HUNK: variants seen among roughly 807,000 people sequenced by gnomAD.
HUNK encodes the protein hormonally up-regulated Neu-associated kinase.
In HUNK, 21 loss-of-function variants were observed where a neutral mutation model predicts 61.0. The ratio of observed to expected loss-of-function variants is 0.34; its 90% CI spans 0.24 to 0.50. The LOEUF is 0.50. HUNK is among the 20% of genes least tolerant of loss of function. The pLI is 0.98. For missense variants in HUNK, 772 were observed against 945.7 expected (o/e 0.82, Z 2.41); for synonymous variants, 371 against 386.1 (o/e 0.96, Z 0.46).
At chr21:31,902,074 G>A (rs2052471930) in intron 1 of HUNK, among the ~76,000 whole-genome samples, 1 of 152,156 alleles carries the variant, frequency 6.6e-6, no homozygotes, top group Admixed American at 6.5e-5. Flanking sequence ...ACTGGGACTA[G>A]TTTCATTGAA....
intron 4 of HUNK, among the ~76,000 whole-genome samples, chr21:31,949,098 G>A (rs923902539): frequency 6.6e-6 from 1 of 152,230 alleles, no homozygotes; most frequent in Non-Finnish European, 1.5e-5. Context: ...CTGCCTAGAG[G>A]CACACACGAG....
intron 1 of HUNK, among the ~76,000 whole-genome samples, chr21:31,904,870 T>A (rs1230329925): frequency 6.6e-6 from 1 of 152,082 alleles, no homozygotes; most frequent in Non-Finnish European, 1.5e-5. Flanking sequence ...GGTGAACGGA[T>A]CACCTGAGGT....
intron 1 of HUNK, among the ~76,000 whole-genome samples, chr21:31,891,948 C>A (rs1219647074): frequency 6.6e-6 from 1 of 151,964 alleles, no homozygotes; most frequent in Admixed American, 6.6e-5. Flanking sequence ...ATATTCTAAT[C>A]CGTTACATAA....
At chr21:31,909,406 G>T (rs1007574941) in intron 1 of HUNK, among the ~76,000 whole-genome samples, 1 of 152,136 alleles carries the variant, frequency 6.6e-6, no homozygotes, top group Non-Finnish European at 1.5e-5. Context: ...CCCCTGGGTG[G>T]GCGTGGGAGG....
intron 6 of HUNK, among the ~76,000 whole-genome samples, chr21:31,973,868 C>T (rs866227041): frequency 4.6e-5 from 7 of 152,226 alleles, no homozygotes; most frequent in Non-Finnish European, 5.9e-5. Context: ...GAATGAAGCC[C>T]GGTATTTCTT....
intron 4 of HUNK, among the ~76,000 whole-genome samples, chr21:31,947,229 G>A (rs6517066): frequency 0.013 from 1,582 of 118,858 alleles, no homozygotes; most frequent in African/African-American, 0.045. Flanking sequence ...AGTGGCGCCT[G>A]CGCATTCCCA....
At chr21:31,941,214 A>G (rs2052766345) in intron 3 of HUNK, among the ~76,000 whole-genome samples, 1 of 152,240 alleles carries the variant, frequency 6.6e-6, no homozygotes, top group African/African-American at 2.4e-5. Context: ...TTAATCGTGA[A>G]GAGGAAACCA....
chr21:31,946,212 G>C (rs2052802059), intron 4 of HUNK, 41 bp downstream of exon 4: 1 of 1,587,534 alleles, frequency 6.3e-7, no homozygotes, highest in Admixed American at 1.7e-5. Flanking sequence ...TCCTCCTGCT[G>C]TCTCCACCGT....
At chr21:31,898,102 C>A (rs80099389) in intron 1 of HUNK, among the ~76,000 whole-genome samples, 2 of 152,120 alleles carry the variant, frequency 1.3e-5, no homozygotes, top group African/African-American at 4.8e-5. Context: ...GCAAGACCCC[C>A]CGCTGGTCTG....
At chr21:31,907,850 C>T (rs2052517066) in intron 1 of HUNK, among the ~76,000 whole-genome samples, 1 of 151,944 alleles carries the variant, frequency 6.6e-6, no homozygotes, top group Admixed American at 6.6e-5. Flanking sequence ...ATTAGCCAGG[C>T]GTGGTGGTGG....
At chr21:31,998,058 C>T (rs1282380933) in intron 10 of HUNK, among the ~76,000 whole-genome samples, 2 of 152,178 alleles carry the variant, frequency 1.3e-5, no homozygotes, top group Non-Finnish European at 2.9e-5. Context: ...GTTAGGACCA[C>T]AGGTGCATGC....
At chr21:31,958,132 C>T (rs1416858923) in intron 4 of HUNK, among the ~76,000 whole-genome samples, 1 of 152,034 alleles carries the variant, frequency 6.6e-6, no homozygotes, top group African/African-American at 2.4e-5. Context: ...TGGTCTGGGC[C>T]TCCTTGTTGT....
intron 9 of HUNK, 114 bp from the exon 10 acceptor site, chr21:31,995,654 T>G: frequency 1.2e-6 from 1 of 832,584 alleles, no homozygotes; most frequent in Non-Finnish European, 2.0e-6. Context: ...GTTGAGAGCA[T>G]AGAGTATTGA....
In HUNK at chr21:32,003,318, C is replaced by G. The variant is rs961240367; in HGVS notation, c.*4134C>G. 1.3e-5 allele frequency: 2 copies of G among 152,174 alleles called. No homozygotes were observed. Among genetic ancestry groups the G allele is most frequent in the African/African-American group, 4.8e-5 (2 of 41,436 alleles). 9.4% of individuals were successfully genotyped at this position (152,174 alleles called of 1,614,324 possible). On this transcript the variant is annotated 3_prime_UTR_variant, in exon 11 of 11. Transcript: ENST00000270112. Reference sequence around the variant, plus strand: ...AGCTTTCTTTGGGAACTCTGTCTTTCTCAGTTGACTTCCCAAGTAAGCAGC... The same window carrying G: ...AGCTTTCTTTGGGAACTCTGTCTTTGTCAGTTGACTTCCCAAGTAAGCAGC...
chr21:31,974,777 C>G (rs2053037206), intron 7 of HUNK, 60 bp downstream of exon 7: 4 of 1,467,434 alleles, frequency 2.7e-6, no homozygotes, highest in Non-Finnish European at 3.7e-6. Flanking sequence ...GCTCCTACAC[C>G]CAAAGTGCTT....
At position 31,924,765 on chromosome 21, in the gene HUNK, G is replaced by T; in HGVS notation, c.554+5G>T. ...CCGGGCCGGGGTGGTCCACAGGTAA[G>T]GGCCAGGCCACGCTGGTGATCGCTG... On this transcript the variant is annotated splice_donor_5th_base_variant and intron_variant, in intron 2 of 10. Transcript: ENST00000270112. This position sits in a 1 kb window ranked among gnomAD's most constrained non-coding sequence, Gnocchi z 5.1. 2 of 1,591,600 alleles carry T rather than the reference G, an allele frequency of 1.3e-6. No individual in the cohort carries two copies. The highest frequency in any genetic ancestry group is 1.7e-6 in the Non-Finnish European group (2 of 1,169,094).
At chr21:31,926,947 CAT>C (rs2052664456) in intron 2 of HUNK, among the ~76,000 whole-genome samples, 1 of 151,562 alleles carries the variant, frequency 6.6e-6, no homozygotes, top group South Asian at 2.1e-4. Context: ...ATTTGAAGGC[CAT>C]TATTCTTTCT....
chr21:31,990,998 C>G (rs1382772169), intron 9 of HUNK, among the ~76,000 whole-genome samples: 1 of 152,208 alleles, frequency 6.6e-6, no homozygotes, highest in Non-Finnish European at 1.5e-5. Context: ...CTCTGCCAGC[C>G]CCATCCTTAT....
rs369514907 is a variant in HUNK at position 31,951,286 on chromosome 21, G to A, written c.746+5115G>A. On this transcript the variant is annotated intron_variant, in intron 4 of 10. Coordinates refer to ENST00000270112, the MANE Select transcript of HUNK (RefSeq NM_014586.2). ...AAAAACCAAAAATATTCATTCTGGT[G>A]CATTGAACTTTTATTACTGTGAATT... Among the ~76,000 whole-genome samples the A allele has an allele frequency of 2.0e-5, 3 of 152,026 alleles. No homozygotes were observed. In the East Asian group the frequency reaches 5.8e-4, roughly 29 times the overall value.
Sources: gnomAD v4.1 joint callset for allele counts (sites outside exome capture counted in the v4.1 genomes callset) on GRCh38, gnomAD v4.1.1 for gene constraint, Gnocchi (gnomAD v3.1) non-coding constraint, MANE v1.5 for transcripts, NCBI Gene and HGNC (gene_info 2026-07-23, HGNC 2026-07-21) for gene names.